Variants in MGMT observed in about 807,000 individuals in gnomAD.
The protein encoded by MGMT is methylated-DNA--protein-cysteine methyltransferase.
Under a neutral mutation model 15.9 loss-of-function variants are expected in MGMT, and 14 were observed. The ratio of observed to expected loss-of-function variants is 0.88; its 90% CI spans 0.58 to 1.37. The LOEUF is 1.37. MGMT is among the 40% of genes most tolerant of loss of function. The pLI is 0.00. For synonymous variants in MGMT, 130 were observed against 118.2 expected, an observed-to-expected ratio of 1.10 and a Z score of -0.65; for missense variants, 282 against 268.1, an observed-to-expected ratio of 1.05 and a Z score of -0.36.
intron 2 of MGMT, among the ~76,000 whole-genome samples, chr10:129,573,671 A>T (rs1293903778): frequency 6.6e-6 from 1 of 152,188 alleles, no homozygotes; most frequent in Non-Finnish European, 1.5e-5. Context: ...ATGCTAACTA[A>T]CCAACTTTTT....
At chr10:129,536,571 A>G (rs946989464) in intron 2 of MGMT, 194 bp downstream of exon 2, 28 of 616,532 alleles carry the variant, frequency 4.5e-5, no homozygotes, top group African/African-American at 4.5e-4. Flanking sequence ...TGTGTTGCCC[A>G]GGAGCTCTCC....
In MGMT at chr10:129,747,330, T is replaced by C. The variant is rs570355062; in HGVS notation, c.275-11872T>C. 5.9e-5 allele frequency among the ~76,000 whole-genome samples: 9 copies of C among 152,322 alleles called. No individual in the cohort carries two copies. The South Asian group carries it at 1.2e-3, about 21-fold the overall frequency. On this transcript the variant is annotated intron_variant, in intron 3 of 4. Coordinates refer to ENST00000651593, the MANE Select transcript of MGMT (RefSeq NM_002412.5). ...GGTATGATGTTAACTGTGGGTTTTT[T>C]GCAGATACAGTTGTCAGATTGAGGA... is the stretch of plus-strand genomic sequence containing the variant.
Position 129,604,314 on chromosome 10 carries a change from A to G in MGMT, c.125+67937A>G, listed in dbSNP as rs191211682. 1.1e-4 allele frequency among the ~76,000 whole-genome samples: 17 copies of G among 152,336 alleles called. No individual in the cohort carries two copies. The East Asian group carries it at 3.1e-3, about 28-fold the overall frequency. On this transcript the variant is annotated intron_variant, in intron 2 of 4. Transcript: ENST00000651593. ...AAAGCACCAGAGAGCCTAGCACTTA[A>G]TTCTGAAATAAGTCATGCCTGTTGT...
chr10:129,485,621 G>A (rs1475249127), intron 1 of MGMT, among the ~76,000 whole-genome samples: 1 of 152,230 alleles, frequency 6.6e-6, no homozygotes, highest in Non-Finnish European at 1.5e-5. Context: ...GATTAGGGAT[G>A]CTCCAACTGT....
At chr10:129,520,530 G>C (rs1040030044) in intron 1 of MGMT, among the ~76,000 whole-genome samples, 5 of 151,804 alleles carry the variant, frequency 3.3e-5, no homozygotes, top group Non-Finnish European at 7.4e-5. Flanking sequence ...AGCCTCTACA[G>C]TGCATGTACA....
intron 2 of MGMT, among the ~76,000 whole-genome samples, chr10:129,654,518 C>T (rs904418221): frequency 2.6e-5 from 4 of 152,260 alleles, no homozygotes; most frequent in Admixed American, 2.0e-4. Flanking sequence ...ATCCTTTGAC[C>T]GTCACTGTGA....
intron 2 of MGMT, among the ~76,000 whole-genome samples, chr10:129,622,292 C>T (rs1847099413): frequency 6.6e-6 from 1 of 152,154 alleles, no homozygotes; most frequent in South Asian, 2.1e-4. Flanking sequence ...AGTTTTTAGC[C>T]ATGTTTTGGT....
intron 2 of MGMT, among the ~76,000 whole-genome samples, chr10:129,685,493 G>T (rs1483072110): frequency 6.6e-6 from 1 of 152,158 alleles, no homozygotes; most frequent in African/African-American, 2.4e-5. Flanking sequence ...ACCTCCCCGA[G>T]CCGTGGAGGT....
intron 4 of MGMT, among the ~76,000 whole-genome samples, chr10:129,765,474 C>T (rs1288756285): frequency 6.6e-6 from 1 of 152,200 alleles, no homozygotes; most frequent in Non-Finnish European, 1.5e-5. Flanking sequence ...ATGTTACTGC[C>T]TTGTCTTTCA....
chr10:129,616,766 A>C (rs1847032373), intron 2 of MGMT, among the ~76,000 whole-genome samples: 1 of 152,194 alleles, frequency 6.6e-6, no homozygotes, highest in Admixed American at 6.5e-5. Flanking sequence ...TTCTCTAGTG[A>C]GTGTTCCAGG....
rs34274988 is a variant in MGMT, at chr10:129,489,359, CAAAAAAA to C, written c.-13+22084_-13+22090del. On this transcript the variant is annotated intron_variant, in intron 1 of 4. Coordinates refer to ENST00000651593, the MANE Select transcript of MGMT (RefSeq NM_002412.5). ...TGGGTGACAGTGCAGGACTCTGTCTCAAAAAAAAAAAAAAAAAAAAAAAAAAATTGGT... is the reference window on the plus strand; with the variant it reads ...TGGGTGACAGTGCAGGACTCTGTCTCAAAAAAAAAAAAAAAAAAAATTGGT... Among the ~76,000 whole-genome samples the C allele has an allele frequency of 1.0e-4, 6 of 57,352 alleles. No individual in the cohort carries two copies. In the East Asian group the frequency reaches 2.9e-3, roughly 28 times the overall value. 37.6% of individuals were successfully genotyped at this position (57,352 alleles called of 152,430 possible).
chr10:129,719,497 TG>T (rs750444154), intron 3 of MGMT, among the ~76,000 whole-genome samples: 1 of 152,178 alleles, frequency 6.6e-6, no homozygotes, highest in Non-Finnish European at 1.5e-5. Context: ...GAGACCGAGG[TG>T]CGGCAGGGTG....
Position 129,532,445 on chromosome 10 carries a change from C to A in MGMT, c.-12-3796C>A, listed in dbSNP as rs1845942511. Among the ~76,000 whole-genome samples the A allele has an allele frequency of 6.6e-6, 1 of 152,206 alleles. No homozygotes were observed. Among genetic ancestry groups the A allele is most frequent in the Admixed American group, 6.5e-5 (1 of 15,286 alleles). ...GTGGTCAGGGCCCAGACCATGATAACCTTGAGGACTCCTCTCTCCGGGAGA... is the reference window on the plus strand; with the variant it reads ...GTGGTCAGGGCCCAGACCATGATAAACTTGAGGACTCCTCTCTCCGGGAGA... On this transcript the variant is annotated intron_variant, in intron 1 of 4. Coordinates refer to ENST00000651593, the MANE Select transcript of MGMT (RefSeq NM_002412.5). This position sits in a 1 kb window ranked among gnomAD's most constrained non-coding sequence, Gnocchi z 5.3.
intron 1 of MGMT, among the ~76,000 whole-genome samples, chr10:129,506,756 T>A (rs3036430): frequency 0.096 from 14,560 of 152,272 alleles, 750 homozygotes; most frequent in African/African-American, 0.13. Context: ...CTTTGTACAC[T>A]CTGTTTATTC....
At chr10:129,633,492 A>C (rs1329177616) in intron 2 of MGMT, among the ~76,000 whole-genome samples, 1 of 152,268 alleles carries the variant, frequency 6.6e-6, no homozygotes, top group Non-Finnish European at 1.5e-5. Flanking sequence ...ATGAAGATCA[A>C]GGAATTTCCT....
chr10:129,590,441 G>C (rs910099597), intron 2 of MGMT, among the ~76,000 whole-genome samples: 1 of 152,126 alleles, frequency 6.6e-6, no homozygotes, highest in African/African-American at 2.4e-5. Context: ...TTAATAAAGA[G>C]ACTGGATACA....
At chr10:129,714,130 C>T (rs1327584712) in intron 3 of MGMT, among the ~76,000 whole-genome samples, 2 of 152,244 alleles carry the variant, frequency 1.3e-5, no homozygotes, top group Non-Finnish European at 2.9e-5. Context: ...CTAGGCGCCC[C>T]GAGCTCTCCT....
At chr10:129,654,424 A>G (rs757207940) in intron 2 of MGMT, among the ~76,000 whole-genome samples, 30 of 152,178 alleles carry the variant, frequency 2.0e-4, no homozygotes, top group Admixed American at 9.8e-4. Flanking sequence ...AGGTGCTCAT[A>G]TTTTACCTTC....
chr10:129,620,002 C>G (rs1033018029), intron 2 of MGMT, among the ~76,000 whole-genome samples: 1 of 152,216 alleles, frequency 6.6e-6, no homozygotes, highest in Non-Finnish European at 1.5e-5. Flanking sequence ...AAGCAGATAG[C>G]AGGCACTAAA....
Sources: allele counts gnomAD v4.1 joint callset (sites outside exome capture counted in the v4.1 genomes callset), GRCh38; gene constraint gnomAD v4.1.1; non-coding constraint Gnocchi (gnomAD v3.1); transcripts MANE v1.5; gene names NCBI Gene and HGNC (gene_info 2026-07-23, HGNC 2026-07-21).